SEMA3C: variants seen among roughly 807,000 people sequenced by gnomAD.
SEMA3C encodes the protein semaphorin-3C.
Under a neutral mutation model 89.4 loss-of-function variants are expected in SEMA3C, and 47 were observed. The observed-to-expected ratio is 0.53, with a 90% CI of 0.42 to 0.67. The LOEUF (loss-of-function observed/expected upper bound fraction) is 0.67. Among genes scored for constraint, SEMA3C ranks in the 30% least tolerant of loss-of-function variants. The pLI is 0.00. For missense variants in SEMA3C, 839 were observed against 929.1 expected (o/e 0.90, Z 1.26); for synonymous variants, 310 against 320.2 (o/e 0.97, Z 0.34).
chr7:80,880,148 C>A (rs1312090117), intron 2 of SEMA3C, among the ~76,000 whole-genome samples: 1 of 152,124 alleles, frequency 6.6e-6, no homozygotes, highest in Non-Finnish European at 1.5e-5. Context: ...TTATTCCATT[C>A]AAATCTTTGC....
At chr7:80,837,413 C>T (rs1015493012) in intron 2 of SEMA3C, among the ~76,000 whole-genome samples, 4 of 152,028 alleles carry the variant, frequency 2.6e-5, no homozygotes, top group East Asian at 1.9e-4. Flanking sequence ...ATAATGAAAG[C>T]GAGATATTTT....
Position 80,761,671 on chromosome 7 carries a change from AAAC to A in SEMA3C, c.1444-17_1444-15del. The A allele has an allele frequency of 7.6e-7, 1 of 1,315,586 alleles. No homozygotes were observed. Among genetic ancestry groups the A allele is most frequent in the Non-Finnish European group, 1.0e-6 (1 of 956,308 alleles). The allele number at this position is 1,315,586 out of a possible 1,614,324, so 81.5% of individuals were successfully genotyped here. ...AGGAGCATGATTCTAAAATATTAGAAAACAACATGTTAGTTGCTCAAATATTGC... is the reference window on the plus strand; with the variant it reads ...AGGAGCATGATTCTAAAATATTAGAAAACATGTTAGTTGCTCAAATATTGC... On this transcript the variant is annotated splice_polypyrimidine_tract_variant and intron_variant, in intron 13 of 17. Coordinates refer to ENST00000265361, the MANE Select transcript of SEMA3C (RefSeq NM_006379.5).
intron 2 of SEMA3C, among the ~76,000 whole-genome samples, chr7:80,846,398 C>G (rs945442382): frequency 5.3e-5 from 8 of 152,084 alleles, no homozygotes; most frequent in African/African-American, 1.9e-4. Flanking sequence ...ACTCTGTCAC[C>G]CAGGCTGGAA....
Position 80,748,923 on chromosome 7 carries a change from T to G in SEMA3C, c.1817A>C (p.Gln606Pro), listed in dbSNP as rs1230465361. The G allele has an allele frequency of 1.9e-6, 3 of 1,612,656 alleles. No homozygotes were observed. Among genetic ancestry groups the G allele is most frequent in the Non-Finnish European group, 2.5e-6 (3 of 1,179,460 alleles). ...CTCTTTCCTCCTGTCTTTGTCTTTC[T>G]GTAACAGCCACTTGATAGATGCCTG... ...SPQASIKWLLQKDKDRRKEVK... is the reference protein window; with the variant it reads ...SPQASIKWLLPKDKDRRKEVK... Residue 606 changes from glutamine (Q) to proline (P), a missense_variant, in exon 17 of 18, where the codon CAG becomes CCG. Coordinates refer to ENST00000265361, the MANE Select transcript of SEMA3C (RefSeq NM_006379.5).
chr7:80,878,084 T>C (rs192672043), intron 2 of SEMA3C, among the ~76,000 whole-genome samples: 2 of 151,996 alleles, frequency 1.3e-5, no homozygotes, highest in Admixed American at 6.6e-5. Flanking sequence ...TCCCATAGAA[T>C]AAAAAAAATG....
At position 80,840,168 on chromosome 7, in the gene SEMA3C, C is replaced by T. The variant is rs142468082; in HGVS notation, c.104-11423G>A. ...CTGCTTGTGTTTATACATAACACAG[C>T]AGGCTGTATACAAAACAGAAATATT... On this transcript the variant is annotated intron_variant, in intron 2 of 17. Coordinates refer to ENST00000265361, the MANE Select transcript of SEMA3C (RefSeq NM_006379.5). 4.4e-3 allele frequency among the ~76,000 whole-genome samples: 666 copies of T among 152,168 alleles called. 1 individual carries two copies. The highest frequency in any genetic ancestry group is 6.8e-3 in the Non-Finnish European group (461 of 68,012).
At position 80,916,771 on chromosome 7, in the gene SEMA3C, C is replaced by T. The variant is rs775184034; in HGVS notation, c.11G>A (p.Arg4Gln). The change falls in exon 2 of 18, where the codon CGG (arginine) becomes CAG (glutamine). Residue 4 changes from arginine to glutamine, a missense_variant. Coordinates refer to ENST00000265361, the MANE Select transcript of SEMA3C (RefSeq NM_006379.5). MAF[R>Q]TICVLVGVFI... ...TACTCCAACCAACACGCAAATTGTC[C>T]GGAATGCCATTTCTTCAGATATGCA... 1.9e-6 allele frequency: 3 copies of T among 1,613,072 alleles called. No homozygotes were observed. The highest frequency in any genetic ancestry group is 3.3e-5 in the Admixed American group (2 of 59,978).
intron 2 of SEMA3C, among the ~76,000 whole-genome samples, chr7:80,872,522 G>A (rs1041169356): frequency 5.3e-5 from 8 of 151,888 alleles, no homozygotes; most frequent in East Asian, 2.0e-4. Context: ...CTGAATTCTC[G>A]GCCGGGCGTG....
chr7:80,827,390 G>GTTT, intron 4 of SEMA3C, 35 bp downstream of exon 4: 3 of 1,008,038 alleles, frequency 3.0e-6, no homozygotes, highest in South Asian at 3.6e-5. Context: ...ATTTAAGTTA[G>GTTT]TGTTTTTTTT....
intron 2 of SEMA3C, among the ~76,000 whole-genome samples, chr7:80,855,729 A>T (rs1395528867): frequency 6.6e-6 from 1 of 152,156 alleles, no homozygotes; most frequent in Non-Finnish European, 1.5e-5. Context: ...AGTCAACATG[A>T]TACAAAACAC....
intron 2 of SEMA3C, among the ~76,000 whole-genome samples, chr7:80,852,545 C>G (rs982795117): frequency 1.3e-5 from 2 of 152,032 alleles, no homozygotes; most frequent in African/African-American, 2.4e-5. Context: ...AGAAAACCCA[C>G]AGAATGGGAG....
intron 17 of SEMA3C, among the ~76,000 whole-genome samples, chr7:80,747,687 GAA>G (rs1787832511): frequency 6.6e-6 from 1 of 152,082 alleles, no homozygotes; most frequent in South Asian, 2.1e-4. Flanking sequence ...TTACAGCAAA[GAA>G]AAGAGATCTC....
chr7:80,872,387 A>G (rs1047249089), intron 2 of SEMA3C, among the ~76,000 whole-genome samples: 1 of 152,136 alleles, frequency 6.6e-6, no homozygotes, highest in Admixed American at 6.5e-5. Flanking sequence ...TCCTGACCTC[A>G]GGTGAACCAT....
intron 2 of SEMA3C, among the ~76,000 whole-genome samples, chr7:80,830,189 A>G (rs1789978122): frequency 6.6e-6 from 1 of 152,220 alleles, no homozygotes; most frequent in Admixed American, 6.5e-5. Flanking sequence ...GAAGAAGCAG[A>G]GTGATAATGA....
intron 5 of SEMA3C, among the ~76,000 whole-genome samples, chr7:80,815,594 ATGAAGAT>A (rs1789587825): frequency 6.7e-6 from 1 of 150,348 alleles, no homozygotes; most frequent in African/African-American, 2.4e-5. Context: ...AGGAAAGGGA[ATGAAGAT>A]ATAAAACAGA....
intron 2 of SEMA3C, among the ~76,000 whole-genome samples, chr7:80,863,588 C>T (rs1790826761): frequency 6.6e-6 from 1 of 151,050 alleles, no homozygotes; most frequent in Admixed American, 6.6e-5. Context: ...TTCGCAATTG[C>T]AAAATTGGGG....
At position 80,758,450 on chromosome 7, in the gene SEMA3C, C is replaced by T. The variant is rs1058425; in HGVS notation, c.1524G>A (p.Gln508=). Residue 508 remains glutamine, a synonymous_variant, in exon 15 of 18, where the codon CAG becomes CAA. Coordinates refer to ENST00000265361, the MANE Select transcript of SEMA3C (RefSeq NM_006379.5). ...LYVSSNEGVS[Q]VSLHRCHIYG... is the part of the protein sequence containing the mutation. ...AGATGTGGCAGCGGTGCAGAGATAC[C>T]TGGGAAACCCCTTCATTGGAACTCA... The T allele has an allele frequency of 0.24, 379,576 of 1,613,218 alleles. 53,649 individuals are homozygous for T. Among genetic ancestry groups the T allele is most frequent in the African/African-American group, 0.62 (46,187 of 74,864 alleles).
At chr7:80,760,354 C>G (rs948032834) in intron 14 of SEMA3C, among the ~76,000 whole-genome samples, 6 of 152,152 alleles carry the variant, frequency 3.9e-5, no homozygotes. Flanking sequence ...CTGCTACTTT[C>G]TCTTTCCATT....
chr7:80,792,934 C>A lies in SEMA3C; in HGVS notation c.1132-3406G>T, dbSNP rs1788978195. Among the ~76,000 whole-genome samples, 5 of 152,150 alleles carry A rather than the reference C, an allele frequency of 3.3e-5. No individual in the cohort carries two copies. In the South Asian group the frequency reaches 1.0e-3, roughly 31 times the overall value. Reference sequence around the variant, plus strand: ...CCAAGAATAAATCAGATGTGATTAACTTTTCTCTCACCTTGCAAAATAATA... The same window carrying A: ...CCAAGAATAAATCAGATGTGATTAAATTTTCTCTCACCTTGCAAAATAATA... On this transcript the variant is annotated intron_variant, in intron 11 of 17. Transcript: ENST00000265361.
Sources: allele counts gnomAD v4.1 joint callset (sites outside exome capture counted in the v4.1 genomes callset), GRCh38; gene constraint gnomAD v4.1.1; transcripts MANE v1.5; gene names NCBI Gene and HGNC (gene_info 2026-07-23, HGNC 2026-07-21).